Variants in PSMB2 observed in about 807,000 individuals in gnomAD.
PSMB2 encodes proteasome subunit beta type-2.
PSMB2 carries 13 observed loss-of-function variants against 25.7 expected under a neutral mutation model. The ratio of observed to expected loss-of-function variants is 0.51; its 90% CI spans 0.33 to 0.80. PSMB2 has a LOEUF of 0.80. PSMB2 is among the 30% of genes least tolerant of loss of function. The probability of loss-of-function intolerance (pLI) is 0.02; values close to 1 mark genes in which losing one functional copy is unlikely to be tolerated. For synonymous variants in PSMB2, 87 were observed against 96.2 expected (o/e 0.90, Z 0.56); for missense variants, 202 against 259.0 (o/e 0.78, Z 1.51).
At chr1:35,637,167 T>C (rs1023089413) in intron 1 of PSMB2, among the ~76,000 whole-genome samples, 1 of 152,212 alleles carries the variant, frequency 6.6e-6, no homozygotes, top group African/African-American at 2.4e-5. Context: ...TTAGTTATTA[T>C]ATTTATACAC....
Position 35,600,234 on chromosome 1 carries a change from A to G in PSMB2, c.*3033T>C, listed in dbSNP as rs1649950851. On this transcript the variant is annotated 3_prime_UTR_variant, in exon 6 of 6. Coordinates refer to ENST00000373237, the MANE Select transcript of PSMB2 (RefSeq NM_002794.5). ...GTGGCCATGTAGAGACAGGAGATAAAGAATGGCATAAAAATGATGCCCAGC... is the reference window on the plus strand; with the variant it reads ...GTGGCCATGTAGAGACAGGAGATAAGGAATGGCATAAAAATGATGCCCAGC... The G allele has an allele frequency of 2.0e-6, 2 of 985,422 alleles. No individual in the cohort carries two copies. The allele number at this position is 985,422 out of a possible 1,614,324, so 61.0% of individuals were successfully genotyped here. A position where few individuals can be genotyped will look rare whatever the true frequency, so the allele number is the denominator to read the frequency against.
intron 4 of PSMB2, 130 bp from the exon 5 acceptor site, chr1:35,605,412 G>T: frequency 1.1e-6 from 1 of 916,714 alleles, no homozygotes; most frequent in Non-Finnish European, 1.7e-6. Context: ...GGCAAAAAAT[G>T]CTTTGCCTTC....
At chr1:35,631,147 A>T in intron 3 of PSMB2, 127 bp downstream of exon 3, 1 of 798,436 alleles carries the variant, frequency 1.3e-6, no homozygotes, top group Non-Finnish European at 2.1e-6. Context: ...AAGAATGAAC[A>T]AGTAGCAACA....
chr1:35,608,734 C>T (rs1412289365), intron 4 of PSMB2, among the ~76,000 whole-genome samples: 1 of 152,096 alleles, frequency 6.6e-6, no homozygotes, highest in Non-Finnish European at 1.5e-5. Flanking sequence ...TAGGTGACAA[C>T]CAAGGGAAGG....
intron 1 of PSMB2, 79 bp downstream of exon 1, chr1:35,641,263 A>G: frequency 3.9e-6 from 6 of 1,552,646 alleles, no homozygotes; most frequent in Non-Finnish European, 5.3e-6. Context: ...CCTCCCTGGT[A>G]CTTATTCAAC....
At chr1:35,628,578 GAAAAAA>G (rs67766222) in intron 3 of PSMB2, among the ~76,000 whole-genome samples, 26 of 32,942 alleles carry the variant, frequency 7.9e-4, no homozygotes, top group South Asian at 1.8e-3. Flanking sequence ...TTTCTTGGAA[GAAAAAA>G]AAAAAAAAAA....
At chr1:35,638,009 G>T (rs180696990) in intron 1 of PSMB2, among the ~76,000 whole-genome samples, 102 of 152,154 alleles carry the variant, frequency 6.7e-4, no homozygotes, top group Non-Finnish European at 1.1e-3. Flanking sequence ...TTATAAGAAA[G>T]CATTATTCAA....
At chr1:35,605,626 T>C (rs566647358) in intron 4 of PSMB2, among the ~76,000 whole-genome samples, 18 of 152,316 alleles carry the variant, frequency 1.2e-4, no homozygotes, top group Non-Finnish European at 2.2e-4. Context: ...TCCCCCTTAG[T>C]CCAGGGTTTG....
At chr1:35,616,444 T>G (rs1442681157) in intron 3 of PSMB2, among the ~76,000 whole-genome samples, 2 of 152,234 alleles carry the variant, frequency 1.3e-5, no homozygotes, top group East Asian at 3.8e-4. Context: ...CCCAAGCAAG[T>G]GCAGTGGCTA....
intron 5 of PSMB2, among the ~76,000 whole-genome samples, chr1:35,604,431 T>C (rs1167514004): frequency 2.0e-5 from 3 of 152,060 alleles, no homozygotes; most frequent in Admixed American, 6.6e-5. Flanking sequence ...CGAGCACTAT[T>C]AAGGGAGCAG....
intron 1 of PSMB2, among the ~76,000 whole-genome samples, chr1:35,639,523 C>A (rs985574874): frequency 6.6e-6 from 1 of 152,140 alleles, no homozygotes; most frequent in South Asian, 2.1e-4. Flanking sequence ...TATATAAAAT[C>A]ATCTTGCAGC....
rs1000996519 is a variant in PSMB2 at position 35,603,043 on chromosome 1, A to G, written c.*224T>C. 7.7e-7 allele frequency: 1 copy of G among 1,304,654 alleles called. No individual in the cohort carries two copies. 80.8% of individuals were successfully genotyped at this position (1,304,654 alleles called of 1,614,324 possible). On this transcript the variant is annotated 3_prime_UTR_variant, in exon 6 of 6. Transcript: ENST00000373237. Reference sequence around the variant, plus strand: ...GGTACTGAGCGTTAATGGAGGGCGGAGCAGGAAGAAAAGTCAGACCTGGCA... The same window carrying G: ...GGTACTGAGCGTTAATGGAGGGCGGGGCAGGAAGAAAAGTCAGACCTGGCA...
chr1:35,627,426 C>T (rs1227383427), intron 3 of PSMB2, among the ~76,000 whole-genome samples: 4 of 151,888 alleles, frequency 2.6e-5, no homozygotes, highest in Admixed American at 6.6e-5. Flanking sequence ...GAAGCAGAAG[C>T]GGGAGGATTG....
intron 1 of PSMB2, among the ~76,000 whole-genome samples, chr1:35,639,441 AC>A (rs1301834132): frequency 6.6e-6 from 1 of 152,136 alleles, no homozygotes; most frequent in Non-Finnish European, 1.5e-5. Context: ...TTCTTTTATT[AC>A]TCTTAGGATT....
chr1:35,641,342 C>T lies in PSMB2; in HGVS notation c.91G>A (p.Asp31Asn). 1 of 1,614,116 alleles carries T rather than the reference C, an allele frequency of 6.2e-7. No homozygotes were observed. Among genetic ancestry groups the T allele is most frequent in the Non-Finnish European group, 8.5e-7 (1 of 1,180,018 alleles). Residue 31 changes from aspartate to asparagine, a missense_variant and splice_region_variant, in exon 1 of 6, where the codon GAT becomes AAT. Coordinates refer to ENST00000373237, the MANE Select transcript of PSMB2 (RefSeq NM_002794.5). The stretch of plus-strand genomic sequence containing the variant: ...CCGGGCCTCCCCTGCTTCCTCTCAC[C>T]GTCCTTCATCTGGACAATATTGCTG... ...AASNIVQMKD[D>N]HDKMFKMSEK...
chr1:35,612,398 G>C (rs560907784), intron 3 of PSMB2, among the ~76,000 whole-genome samples: 4 of 151,976 alleles, frequency 2.6e-5, no homozygotes, highest in African/African-American at 9.7e-5. Flanking sequence ...CCAAACTCTG[G>C]AAGAAAAGAT....
chr1:35,619,159 C>T (rs1650600502), intron 3 of PSMB2, among the ~76,000 whole-genome samples: 1 of 152,170 alleles, frequency 6.6e-6, no homozygotes, highest in Non-Finnish European at 1.5e-5. Context: ...TAAAAATTGT[C>T]TTTGTTTTCC....
At position 35,601,700 on chromosome 1, in the gene PSMB2, A is replaced by C; in HGVS notation, c.*1567T>G. Reference sequence around the variant, plus strand: ...CTGTATATGATATTAAGAGGAGCACAGAATTGGATAAAGTAGGGTTTATCT... The same window carrying C: ...CTGTATATGATATTAAGAGGAGCACCGAATTGGATAAAGTAGGGTTTATCT... On this transcript the variant is annotated 3_prime_UTR_variant, in exon 6 of 6. Transcript: ENST00000373237. 1 of 985,496 alleles carries C rather than the reference A, an allele frequency of 1.0e-6. No individual in the cohort carries two copies. Among genetic ancestry groups the C allele is most frequent in the Non-Finnish European group, 1.2e-6 (1 of 829,946 alleles). The allele number at this position is 985,496 out of a possible 1,614,324, so 61.0% of individuals were successfully genotyped here. A position where few individuals can be genotyped will look rare whatever the true frequency, so the allele number is the denominator to read the frequency against.
At chr1:35,640,630 C>T (rs548878388) in intron 1 of PSMB2, among the ~76,000 whole-genome samples, 1 of 151,698 alleles carries the variant, frequency 6.6e-6, no homozygotes, top group East Asian at 1.9e-4. Context: ...ACTAGCGACA[C>T]CAGGAAACTT....
Sources: gnomAD v4.1 joint callset for allele counts (sites outside exome capture counted in the v4.1 genomes callset) on GRCh38, gnomAD v4.1.1 for gene constraint, MANE v1.5 for transcripts, NCBI Gene and HGNC (gene_info 2026-07-23, HGNC 2026-07-21) for gene names.